Variants in TSHZ2 observed in about 807,000 individuals in gnomAD.
The protein encoded by TSHZ2 is teashirt homolog 2.
In TSHZ2, 21 loss-of-function variants were observed where a neutral mutation model predicts 74.4. That is an observed-to-expected ratio of 0.28 (90% CI 0.20 to 0.41). The LOEUF (loss-of-function observed/expected upper bound fraction) is 0.41, where lower values mean the gene tolerates loss of function less well. Among genes scored for constraint, TSHZ2 ranks in the 10% least tolerant of loss-of-function variants. The pLI, the probability that TSHZ2 is intolerant of heterozygous loss-of-function variation, is 1.00. For synonymous variants in TSHZ2, 540 were observed against 515.3 expected (o/e 1.05, Z -0.65); for missense variants, 1,244 against 1,293.5 (o/e 0.96, Z 0.59).
At chr20:53,003,296 G>A (rs1365015257) in intron 1 of TSHZ2, among the ~76,000 whole-genome samples, 4 of 144,342 alleles carry the variant, frequency 2.8e-5, no homozygotes, top group Non-Finnish European at 4.6e-5. Flanking sequence ...GTGTGTGTGT[G>A]AAATTTTTTC....
chr20:53,446,576 C>T (rs1247458593), intron 2 of TSHZ2, among the ~76,000 whole-genome samples: 2 of 87,246 alleles, frequency 2.3e-5, no homozygotes, highest in Admixed American at 1.2e-4. Flanking sequence ...GAGACTCTGT[C>T]GCAAAAAAAA....
chr20:53,443,760 G>A (rs1408531980), intron 2 of TSHZ2, among the ~76,000 whole-genome samples: 1 of 152,186 alleles, frequency 6.6e-6, no homozygotes, highest in Non-Finnish European at 1.5e-5. Context: ...CATAGTTTCT[G>A]CATCCGTAAA....
At chr20:53,130,137 T>C (rs1331837453) in intron 1 of TSHZ2, among the ~76,000 whole-genome samples, 1 of 151,998 alleles carries the variant, frequency 6.6e-6, no homozygotes, top group South Asian at 2.1e-4. Context: ...AGTTATCAAT[T>C]TCTTAGCGCT....
intron 1 of TSHZ2, among the ~76,000 whole-genome samples, chr20:53,115,887 T>G (rs1302492897): frequency 1.3e-5 from 2 of 152,172 alleles, no homozygotes; most frequent in Non-Finnish European, 2.9e-5. Context: ...TATGGTTTCA[T>G]ATTGAATGAA....
At chr20:52,988,698 A>G (rs1204112968) in intron 1 of TSHZ2, among the ~76,000 whole-genome samples, 1 of 152,176 alleles carries the variant, frequency 6.6e-6, no homozygotes, top group African/African-American at 2.4e-5. Flanking sequence ...CTCTTATGCT[A>G]TCCATGATGG....
At chr20:53,149,538 T>C (rs1451623620) in intron 1 of TSHZ2, among the ~76,000 whole-genome samples, 1 of 152,170 alleles carries the variant, frequency 6.6e-6, no homozygotes, top group Non-Finnish European at 1.5e-5. Context: ...AGGATCTGCT[T>C]TAGTTCAGTT....
chr20:53,446,407 C>CAAAAAAAA (rs34010689), intron 2 of TSHZ2, among the ~76,000 whole-genome samples: 1 of 127,484 alleles, frequency 7.8e-6, no homozygotes, highest in Non-Finnish European at 1.7e-5. Context: ...ACTAAAAATA[C>CAAAAAAAA]AAAAAAAAAA....
chr20:53,088,006 G>GC (rs1341914606), intron 1 of TSHZ2, among the ~76,000 whole-genome samples: 1 of 152,030 alleles, frequency 6.6e-6, no homozygotes, highest in African/African-American at 2.4e-5. Flanking sequence ...CTTAAGCTTT[G>GC]CCCCCTCTTG....
At chr20:53,044,811 G>A (rs946208304) in intron 1 of TSHZ2, among the ~76,000 whole-genome samples, 2 of 152,090 alleles carry the variant, frequency 1.3e-5, no homozygotes, top group African/African-American at 4.8e-5. Flanking sequence ...CTGGGTTCAC[G>A]GGATCCTCCT....
intron 1 of TSHZ2, among the ~76,000 whole-genome samples, chr20:53,169,310 C>T (rs1164383444): frequency 1.3e-5 from 2 of 152,198 alleles, no homozygotes; most frequent in African/African-American, 4.8e-5. Flanking sequence ...CTCTCCAAGC[C>T]ATAATTGTAC....
At chr20:53,434,459 G>A (rs140630320) in intron 2 of TSHZ2, among the ~76,000 whole-genome samples, 84 of 152,304 alleles carry the variant, frequency 5.5e-4, no homozygotes, top group South Asian at 8.3e-4. Flanking sequence ...TACCAGTACT[G>A]CAAGACAAAA....
chr20:53,465,376 T>G (rs1424839968), intron 2 of TSHZ2, among the ~76,000 whole-genome samples: 1 of 151,878 alleles, frequency 6.6e-6, no homozygotes, highest in Non-Finnish European at 1.5e-5. Context: ...GTTCAAGAGA[T>G]TCTCCTGTCT....
At chr20:53,481,915 C>A (rs532220366) in intron 2 of TSHZ2, among the ~76,000 whole-genome samples, 5 of 152,062 alleles carry the variant, frequency 3.3e-5, no homozygotes, top group Admixed American at 6.5e-5. Flanking sequence ...ACCAGCCTGA[C>A]CAACATGGAG....
chr20:53,175,921 C>G (rs1202546900), intron 1 of TSHZ2, among the ~76,000 whole-genome samples: 1 of 152,196 alleles, frequency 6.6e-6, no homozygotes, highest in African/African-American at 2.4e-5. Context: ...GCCTTATTCT[C>G]ATGGAGATTA....
intron 2 of TSHZ2, among the ~76,000 whole-genome samples, chr20:53,380,139 A>AGTGT (rs3222593): frequency 0.011 from 1,669 of 149,482 alleles, 25 homozygotes; most frequent in East Asian, 0.078. Context: ...ATGGTTGGAG[A>AGTGT]GTGTGTGTGT....
chr20:53,137,916 TA>T (rs1987287829), intron 1 of TSHZ2, among the ~76,000 whole-genome samples: 1 of 152,178 alleles, frequency 6.6e-6, no homozygotes. Flanking sequence ...GAGCTATCTT[TA>T]AAAAATAAAT....
rs374674457 is a variant in TSHZ2 at position 53,455,629 on chromosome 20, C to T, written c.*9-31515C>T. On this transcript the variant is annotated intron_variant, in intron 2 of 2. Transcript: ENST00000371497. The stretch of plus-strand genomic sequence containing the variant: ...GCACATTGTGCAGGTTAGTTACATA[C>T]GTATACATGTGCCATGCTGGTGTGC... Among the ~76,000 whole-genome samples, 163 of 151,600 alleles carry T rather than the reference C, an allele frequency of 1.1e-3. No individual in the cohort carries two copies. The East Asian group carries it at 0.015, about 14-fold the overall frequency.
intron 2 of TSHZ2, among the ~76,000 whole-genome samples, chr20:53,334,937 C>T (rs1048903517): frequency 7.2e-5 from 11 of 152,160 alleles, no homozygotes; most frequent in African/African-American, 2.2e-4. Flanking sequence ...CAGCCTCGGC[C>T]TCTCAAAGGG....
At chr20:53,033,515 G>A (rs979385122) in intron 1 of TSHZ2, among the ~76,000 whole-genome samples, 2 of 152,090 alleles carry the variant, frequency 1.3e-5, no homozygotes, top group East Asian at 1.9e-4. Flanking sequence ...GCCTTCTAAC[G>A]TCTCCTGCAA....
Sources: gnomAD v4.1 joint callset for allele counts (sites outside exome capture counted in the v4.1 genomes callset) on GRCh38, gnomAD v4.1.1 for gene constraint, MANE v1.5 for transcripts, NCBI Gene and HGNC (gene_info 2026-07-23, HGNC 2026-07-21) for gene names.